Variants in FAAH2 observed in about 807,000 individuals in gnomAD.
FAAH2 encodes the protein fatty acid amide hydrolase 2, also known as fatty-acid amide hydrolase 2.
In FAAH2, 60 loss-of-function variants were observed where a neutral mutation model predicts 36.9. The observed-to-expected ratio is 1.63, with a 90% CI of 1.32 to 2.02. The LOEUF (loss-of-function observed/expected upper bound fraction) is 2.02. FAAH2 is among the 30% of genes most tolerant of loss of function. The probability of loss-of-function intolerance (pLI) is 0.00; values close to 1 mark genes in which losing one functional copy is unlikely to be tolerated. For missense variants in FAAH2, 689 were observed against 397.5 expected (o/e 1.73, Z -6.23); for synonymous variants, 214 against 143.8 (o/e 1.49, Z -3.49).
chrX:57,240,272 T>A, the FAAH2 span, among the ~76,000 whole-genome samples: 43 of 111,410 alleles, frequency 3.9e-4, no homozygotes, highest in African/African-American at 1.3e-3. Flanking sequence ...ATGGCCTTCA[T>A]TTCTAGATGA....
intron 7 of FAAH2, among the ~76,000 whole-genome samples, chrX:57,383,171 G>A (rs1040479720): frequency 4.5e-5 from 5 of 111,795 alleles, no homozygotes; most frequent in Admixed American, 9.5e-5. Flanking sequence ...TTGATGGGAC[G>A]TAGCTCAAAA....
intron 10 of FAAH2, among the ~76,000 whole-genome samples, chrX:57,470,410 G>A (rs2057142327): frequency 9.0e-6 from 1 of 111,561 alleles, no homozygotes; most frequent in African/African-American, 3.3e-5. Flanking sequence ...AAATGATAAA[G>A]CGGATATCAA....
the FAAH2 span, among the ~76,000 whole-genome samples, chrX:57,222,949 C>A: frequency 9.0e-6 from 1 of 111,714 alleles, no homozygotes; most frequent in South Asian, 3.7e-4. Context: ...AGCCAATCTG[C>A]TCTTGCTAAG....
intron 5 of FAAH2, among the ~76,000 whole-genome samples, chrX:57,365,943 G>A (rs189178541): frequency 9.0e-6 from 1 of 111,623 alleles, no homozygotes; most frequent in African/African-American, 3.3e-5. Context: ...TTCAACTCTT[G>A]AACTATTTTA....
intron 8 of FAAH2, among the ~76,000 whole-genome samples, chrX:57,437,457 A>G (rs915605971): frequency 2.4e-4 from 26 of 110,001 alleles, no homozygotes; most frequent in Non-Finnish European, 4.6e-4. Flanking sequence ...TTATCTGACT[A>G]TATAATCTTA....
At chrX:57,475,475 T>G (rs1247913526) in intron 10 of FAAH2, among the ~76,000 whole-genome samples, 2 of 112,208 alleles carry the variant, frequency 1.8e-5, no homozygotes, top group African/African-American at 6.5e-5. Context: ...CTTGTTTTTG[T>G]CAGGTTTATT....
the FAAH2 span, among the ~76,000 whole-genome samples, chrX:57,226,098 G>T: frequency 8.0e-5 from 9 of 112,178 alleles, no homozygotes; most frequent in Admixed American, 7.5e-4. Flanking sequence ...ATGTGGTTCT[G>T]CATCTTTTAA....
At chrX:57,370,618 C>T (rs994226889) in intron 5 of FAAH2, among the ~76,000 whole-genome samples, 5 of 111,753 alleles carry the variant, frequency 4.5e-5, no homozygotes, top group African/African-American at 6.5e-5. Context: ...CCAGGGGTCC[C>T]CAACCCCCAG....
chrX:57,292,457 A>C, intron 1 of FAAH2, 41 bp from the exon 2 acceptor site: 2 of 1,094,101 alleles, frequency 1.8e-6, no homozygotes, highest in Non-Finnish European at 2.5e-6. Flanking sequence ...TGAATTGTTT[A>C]GTGAATAAAT....
the FAAH2 span, among the ~76,000 whole-genome samples, chrX:57,218,221 CTTCCAATACTATGA>C: frequency 9.0e-6 from 1 of 111,599 alleles, no homozygotes; most frequent in Non-Finnish European, 1.9e-5. Context: ...CTGGCTAGAT[CTTCCAATACTATGA>C]TGAAGAGGAG....
At chrX:57,331,449 T>C (rs771647786) in intron 3 of FAAH2, 149 bp from the exon 4 acceptor site, 17 of 454,305 alleles carry the variant, frequency 3.7e-5, no homozygotes, top group African/African-American at 3.0e-4. Context: ...TCTGAAGATC[T>C]GCTAGCAGTG....
At chrX:57,348,627 A>G (rs1284767438) in intron 5 of FAAH2, among the ~76,000 whole-genome samples, 2 of 110,967 alleles carry the variant, frequency 1.8e-5, no homozygotes, top group African/African-American at 6.6e-5. Context: ...CAGCTTTACT[A>G]AAGCCTTCAC....
At chrX:57,377,425 T>C (rs1163865015) in intron 5 of FAAH2, among the ~76,000 whole-genome samples, 1 of 112,375 alleles carries the variant, frequency 8.9e-6, no homozygotes, top group Non-Finnish European at 1.9e-5. Flanking sequence ...TTTCTTGTTT[T>C]TGTCAGGTTT....
chrX:57,440,770 C>T lies in FAAH2; in HGVS notation c.1117-6158C>T, dbSNP rs377599939. 2.9e-4 allele frequency among the ~76,000 whole-genome samples: 32 copies of T among 111,284 alleles called. No homozygotes were observed. The East Asian group carries it at 6.0e-3, about 21-fold the overall frequency. ...AAATAGTTCTTATTATTTTGAGACA[C>T]GTGCCATCAATACCTACTTTATGGA... On this transcript the variant is annotated intron_variant, in intron 8 of 10. Coordinates refer to ENST00000374900, the MANE Select transcript of FAAH2 (RefSeq NM_174912.4).
intron 10 of FAAH2, among the ~76,000 whole-genome samples, chrX:57,477,575 G>T (rs1424289840): frequency 9.1e-6 from 1 of 110,365 alleles, no homozygotes; most frequent in African/African-American, 3.3e-5. Flanking sequence ...TTGCCATGTT[G>T]GTGTGCTGCA....
intron 2 of FAAH2, among the ~76,000 whole-genome samples, chrX:57,294,875 T>C (rs1279189563): frequency 9.0e-6 from 1 of 111,548 alleles, no homozygotes; most frequent in Non-Finnish European, 1.9e-5. Context: ...AACCACACTA[T>C]TTTAACAAAG....
At chrX:57,417,820 C>T (rs2055885241) in intron 7 of FAAH2, among the ~76,000 whole-genome samples, 1 of 111,985 alleles carries the variant, frequency 8.9e-6, no homozygotes, top group African/African-American at 3.2e-5. Flanking sequence ...TCTGCTGAAG[C>T]TGGGCCCACA....
At chrX:57,159,184 G>A in the FAAH2 span, among the ~76,000 whole-genome samples, 1 of 111,583 alleles carries the variant, frequency 9.0e-6, no homozygotes, top group Non-Finnish European at 1.9e-5. Flanking sequence ...GCTCTGTTCT[G>A]TTCCATTTGT....
the FAAH2 span, among the ~76,000 whole-genome samples, chrX:57,237,571 A>G: frequency 9.0e-6 from 1 of 110,985 alleles, no homozygotes; most frequent in African/African-American, 3.3e-5. Context: ...ACACCTCTCT[A>G]TCATGACAAA....
Sources: gnomAD v4.1 joint callset for allele counts (sites outside exome capture counted in the v4.1 genomes callset) on GRCh38, gnomAD v4.1.1 for gene constraint, MANE v1.5 for transcripts, NCBI Gene and HGNC (gene_info 2026-07-23, HGNC 2026-07-21) for gene names.